COX7B2: variants seen among roughly 807,000 people sequenced by gnomAD.
COX7B2 encodes the protein cytochrome c oxidase subunit 7B2.
For missense variants in COX7B2, 109 were observed against 95.9 expected, an observed-to-expected ratio of 1.14 and a Z score of -0.57; for synonymous variants, 37 against 32.1, an observed-to-expected ratio of 1.15 and a Z score of -0.51.
At chr4:46,803,276 T>C (rs1271728696) in intron 2 of COX7B2, among the ~76,000 whole-genome samples, 1 of 152,006 alleles carries the variant, frequency 6.6e-6, no homozygotes, top group Non-Finnish European at 1.5e-5. Context: ...TTATTCCTTA[T>C]CCTCCCAGAA....
intron 1 of COX7B2, among the ~76,000 whole-genome samples, chr4:46,907,788 T>G (rs1387945729): frequency 6.7e-6 from 1 of 149,434 alleles, no homozygotes; most frequent in African/African-American, 2.4e-5. Context: ...CACACCAAAC[T>G]TCCATCTCTT....
chr4:46,767,030 G>T (rs1289617363), intron 2 of COX7B2, among the ~76,000 whole-genome samples: 1 of 152,136 alleles, frequency 6.6e-6, no homozygotes, highest in African/African-American at 2.4e-5. Context: ...TGCTTTAACT[G>T]TAAATAGATT....
chr4:46,894,084 C>T (rs950726307), intron 1 of COX7B2, among the ~76,000 whole-genome samples: 4 of 152,130 alleles, frequency 2.6e-5, no homozygotes, highest in Non-Finnish European at 5.9e-5. Flanking sequence ...AATGACCATA[C>T]GGCCCAAAGA....
intron 1 of COX7B2, among the ~76,000 whole-genome samples, chr4:46,891,677 G>A (rs899742307): frequency 6.6e-6 from 1 of 152,088 alleles, no homozygotes; most frequent in African/African-American, 2.4e-5. Context: ...CCCATTATTG[G>A]TAAGTTTGTT....
At chr4:46,803,271 C>T (rs1718760611) in intron 2 of COX7B2, among the ~76,000 whole-genome samples, 1 of 152,054 alleles carries the variant, frequency 6.6e-6, no homozygotes, top group South Asian at 2.1e-4. Context: ...ATTCTTTATT[C>T]CTTATCCTCC....
chr4:46,799,758 T>C (rs1718549807), intron 2 of COX7B2, among the ~76,000 whole-genome samples: 1 of 152,216 alleles, frequency 6.6e-6, no homozygotes, highest in African/African-American at 2.4e-5. Context: ...TTTGCCAGTA[T>C]TTTGTTGAGG....
chr4:46,880,086 G>A (rs1244991472), intron 1 of COX7B2, among the ~76,000 whole-genome samples: 1 of 152,102 alleles, frequency 6.6e-6, no homozygotes, highest in African/African-American at 2.4e-5. Context: ...GTTTGCTGTG[G>A]GTTTGTCGTA....
intron 2 of COX7B2, among the ~76,000 whole-genome samples, chr4:46,769,650 C>T (rs920756768): frequency 7.2e-5 from 11 of 151,920 alleles, no homozygotes; most frequent in African/African-American, 1.9e-4. Flanking sequence ...TGGGAGGCAG[C>T]GATTGCAGTG....
intron 1 of COX7B2, among the ~76,000 whole-genome samples, chr4:46,881,147 C>T (rs1302265774): frequency 6.6e-6 from 1 of 152,048 alleles, no homozygotes; most frequent in East Asian, 1.9e-4. Flanking sequence ...GTTTATTTTG[C>T]CAAGGTTGAG....
At chr4:46,817,159 G>T (rs1719597588) in intron 2 of COX7B2, among the ~76,000 whole-genome samples, 1 of 152,316 alleles carries the variant, frequency 6.6e-6, no homozygotes, top group African/African-American at 2.4e-5. Context: ...ACCAGTTACT[G>T]TTCTTTGCTA....
At chr4:46,754,360 A>ACAC (rs1715612322) in intron 2 of COX7B2, among the ~76,000 whole-genome samples, 1 of 151,406 alleles carries the variant, frequency 6.6e-6, no homozygotes, top group Non-Finnish European at 1.5e-5. Context: ...TGGCACATAT[A>ACAC]CACCATGGAA....
intron 1 of COX7B2, among the ~76,000 whole-genome samples, chr4:46,864,532 G>A (rs1013362423): frequency 6.6e-6 from 1 of 152,082 alleles, no homozygotes; most frequent in African/African-American, 2.4e-5. Flanking sequence ...GTCTCAGGTG[G>A]GCAGTTAATC....
At chr4:46,862,209 G>T (rs1290068575) in intron 1 of COX7B2, among the ~76,000 whole-genome samples, 2 of 152,190 alleles carry the variant, frequency 1.3e-5, no homozygotes, top group Non-Finnish European at 2.9e-5. Flanking sequence ...AATCAAAACT[G>T]TAATAAAAAC....
At chr4:46,828,109 A>T (rs989019840) in intron 2 of COX7B2, among the ~76,000 whole-genome samples, 1 of 152,176 alleles carries the variant, frequency 6.6e-6, no homozygotes, top group Non-Finnish European at 1.5e-5. Context: ...AATAAATTTG[A>T]TTTAGGAAAA....
intron 2 of COX7B2, among the ~76,000 whole-genome samples, chr4:46,836,991 T>C (rs1255803984): frequency 3.9e-5 from 6 of 152,256 alleles, no homozygotes; most frequent in African/African-American, 1.4e-4. Context: ...AGTAAATATG[T>C]GTACAGTTTT....
intron 1 of COX7B2, among the ~76,000 whole-genome samples, chr4:46,846,805 A>T (rs1431605928): frequency 6.6e-6 from 1 of 152,036 alleles, no homozygotes; most frequent in Non-Finnish European, 1.5e-5. Context: ...ACGGGACAGG[A>T]TTTTCTGATA....
intron 2 of COX7B2, among the ~76,000 whole-genome samples, chr4:46,786,824 T>C (rs1717775174): frequency 6.6e-6 from 1 of 152,152 alleles, no homozygotes; most frequent in South Asian, 2.1e-4. Flanking sequence ...GTACAGACCA[T>C]AGTTGGTCCC....
chr4:46,736,504 G>T (rs543694247), intron 2 of COX7B2, among the ~76,000 whole-genome samples: 1 of 152,092 alleles, frequency 6.6e-6, no homozygotes, highest in African/African-American at 2.4e-5. Context: ...CCTGAGGAAG[G>T]AACTCAGATA....
At chr4:46,851,329 GA>G (rs1455938391) in intron 1 of COX7B2, among the ~76,000 whole-genome samples, 4 of 152,006 alleles carry the variant, frequency 2.6e-5, no homozygotes, top group Non-Finnish European at 5.9e-5. Context: ...TCTTACTCCA[GA>G]TTTAACATAA....
Sources: gnomAD v4.1 joint callset for allele counts (sites outside exome capture counted in the v4.1 genomes callset) on GRCh38, gnomAD v4.1.1 for gene constraint, MANE v1.5 for transcripts, NCBI Gene and HGNC (gene_info 2026-07-23, HGNC 2026-07-21) for gene names.